NOTCH1: variants seen among roughly 807,000 people sequenced by gnomAD.
The protein encoded by NOTCH1 is neurogenic locus notch homolog protein 1.
In NOTCH1, 37 loss-of-function variants were observed where a neutral mutation model predicts 254.8. That is an observed-to-expected ratio of 0.15 (90% confidence interval 0.11 to 0.19). The LOEUF (loss-of-function observed/expected upper bound fraction) is 0.19, where lower values mean the gene tolerates loss of function less well. NOTCH1 is among the 10% of genes least tolerant of loss of function. The pLI is 1.00. For missense variants in NOTCH1, 2,972 were observed against 3,708.6 expected (o/e 0.80, Z 5.16); for synonymous variants, 1,731 against 1,618.1 (o/e 1.07, Z -1.68).
chr9:136,533,680 A>G (rs1564209642), intron 2 of NOTCH1, among the ~76,000 whole-genome samples: 1 of 152,194 alleles, frequency 6.6e-6, no homozygotes, highest in Non-Finnish European at 1.5e-5. Context: ...CACTTGTCTG[A>G]GGCTTGGGTG....
At chr9:136,512,919 G>GCCCCC in intron 15 of NOTCH1, 102 bp downstream of exon 15, 2 of 153,872 alleles carry the variant, frequency 1.3e-5, no homozygotes, top group African/African-American at 4.2e-5. Flanking sequence ...CCCCACCCCT[G>GCCCCC]GCCCCACCCT....
intron 5 of NOTCH1, 88 bp from the exon 6 acceptor site, chr9:136,518,912 C>A: frequency 8.7e-7 from 1 of 1,148,286 alleles, no homozygotes; most frequent in Non-Finnish European, 1.3e-6. Flanking sequence ...ATGCCGCCCC[C>A]TCCAGGAAGC....
rs753373134 is a variant in NOTCH1, at chr9:136,522,828, C to T, written c.742+22G>A. ...GGCAGCCGGGGAGGGGCTCGTGCAC[C>T]CCGGCCAGCGGGCAGCACTACCTGG... On this transcript the variant is annotated intron_variant, in intron 4 of 33. Transcript: ENST00000651671. 20 of 1,463,684 alleles carry T rather than the reference C, an allele frequency of 1.4e-5. 1 individual carries two copies. The South Asian group carries it at 2.8e-4, about 20-fold the overall frequency. The allele number at this position is 1,463,684 out of a possible 1,614,324, so 90.7% of individuals were successfully genotyped here.
Position 136,496,308 on chromosome 9 carries a change from G to A in NOTCH1, c.7431C>T (p.Thr2477=), listed in dbSNP as rs748244353. 1.1e-5 allele frequency: 17 copies of A among 1,595,234 alleles called. No individual in the cohort carries two copies. The highest frequency in any genetic ancestry group is 1.7e-4 in the Middle Eastern group (1 of 6,032). ...SLPSSLVPPV[T]AAQFLTPPSQ... ...AGGGGGGCGTCAGGAACTGGGCTGC[G>A]GTCACGGGTGGGACCAGCGAGGATG... The change falls in exon 34 of 34, where the codon ACC becomes ACT. Residue 2477 remains threonine, a synonymous_variant. Coordinates refer to ENST00000651671, the MANE Select transcript of NOTCH1 (RefSeq NM_017617.5).
Position 136,496,523 on chromosome 9 carries a change from G to T in NOTCH1, c.7216C>A (p.Gln2406Lys). The T allele has an allele frequency of 6.2e-7, 1 of 1,605,514 alleles. No individual in the cohort carries two copies. Residue 2406 changes from glutamine (Q) to lysine (K), a missense_variant, in exon 34 of 34, where the codon CAA (glutamine) becomes AAA (lysine). Gln to Lys is a moderately conservative substitution (Grantham distance 53). This residue lies in a region of NOTCH1 where 529 missense variants were observed against 529.2 expected (regional missense o/e 1.00). Coordinates refer to ENST00000651671, the MANE Select transcript of NOTCH1 (RefSeq NM_017617.5). ...NLQPANIQQQ[Q>K]SLQPPPPPPQ... ...GGTGGTGGTGGCGGCTGCAGGCTTT[G>T]CTGCTGCTGGATGTTTGCTGGCTGC...
rs917261129 is a variant in NOTCH1 at position 136,495,502 on chromosome 9, G to A, written c.*569C>T. On this transcript the variant is annotated 3_prime_UTR_variant, in exon 34 of 34. Transcript: ENST00000651671. ...CTATTTCAGATGCAAATTAATCCGC[G>A]TGCGGAAGGTGAGCCAGCTTTGCCT... 5.0e-6 allele frequency: 2 copies of A among 399,420 alleles called. No homozygotes were observed. The highest frequency in any genetic ancestry group is 2.1e-5 in the African/African-American group (1 of 48,738). 24.7% of individuals were successfully genotyped at this position (399,420 alleles called of 1,614,324 possible). A position where few individuals can be genotyped will look rare whatever the true frequency, so the allele number is the denominator to read the frequency against.
intron 3 of NOTCH1, 66 bp downstream of exon 3, chr9:136,523,651 A>C (rs1843412016): frequency 6.5e-7 from 1 of 1,546,912 alleles, no homozygotes; most frequent in Non-Finnish European, 8.7e-7. Context: ...AAGTACCTCA[A>C]GTTGCCTGGG....
chr9:136,534,773 A>G (rs1843616071), intron 2 of NOTCH1, among the ~76,000 whole-genome samples: 1 of 151,812 alleles, frequency 6.6e-6, no homozygotes, highest in African/African-American at 2.4e-5. Flanking sequence ...GCAGGTGTGG[A>G]TGTCAGAGGC....
chr9:136,532,905 C>A (rs1346598679), intron 2 of NOTCH1, among the ~76,000 whole-genome samples: 2 of 152,326 alleles, frequency 1.3e-5, no homozygotes, highest in Middle Eastern at 6.8e-3. Context: ...TGGAGCCAAG[C>A]CTTCCAGTCA....
At chr9:136,527,099 T>G (rs1843473208) in intron 2 of NOTCH1, among the ~76,000 whole-genome samples, 1 of 152,140 alleles carries the variant, frequency 6.6e-6, no homozygotes, top group Non-Finnish European at 1.5e-5. Context: ...GGTCTGTGTG[T>G]GGGGGGCAGC....
At chr9:136,530,360 G>A (rs1047497584) in intron 2 of NOTCH1, among the ~76,000 whole-genome samples, 1 of 152,228 alleles carries the variant, frequency 6.6e-6, no homozygotes, top group Admixed American at 6.5e-5. Context: ...TGTGGGAGGC[G>A]GGATGGGGAC....
chr9:136,544,200 G>C, intron 1 of NOTCH1, 98 bp from the exon 2 acceptor site: 1 of 1,135,330 alleles, frequency 8.8e-7, no homozygotes, highest in South Asian at 1.3e-5. Flanking sequence ...CCAGCCAAGG[G>C]GCATCGTCCG....
chr9:136,533,016 C>T (rs1334638114), intron 2 of NOTCH1, among the ~76,000 whole-genome samples: 1 of 152,238 alleles, frequency 6.6e-6, no homozygotes, highest in East Asian at 1.9e-4. Flanking sequence ...AGCTGCAGAG[C>T]TCTGTGCTGG....
chr9:136,544,296 C>T (rs1164244255), intron 1 of NOTCH1, among the ~76,000 whole-genome samples, 194 bp from the exon 2 acceptor site: 1 of 152,130 alleles, frequency 6.6e-6, no homozygotes, highest in African/African-American at 2.4e-5. Context: ...ACCAAAGGGG[C>T]GTCAACATTC....
At chr9:136,539,074 C>T (rs1019284328) in intron 2 of NOTCH1, among the ~76,000 whole-genome samples, 5 of 152,216 alleles carry the variant, frequency 3.3e-5, no homozygotes, top group East Asian at 3.8e-4. Context: ...TCCAGTTTGC[C>T]GCCCGCATCT....
Position 136,543,916 on chromosome 9 carries a change from G to A in NOTCH1, c.140+108C>T, listed in dbSNP as rs2133405989. 3.7e-6 allele frequency: 4 copies of A among 1,074,770 alleles called. No homozygotes were observed. The South Asian group carries it at 4.0e-5, about 11-fold the overall frequency. The allele number at this position is 1,074,770 out of a possible 1,614,324, so 66.6% of individuals were successfully genotyped here. A position where few individuals can be genotyped will look rare whatever the true frequency, so the allele number is the denominator to read the frequency against. On this transcript the variant is annotated intron_variant, in intron 2 of 33. Coordinates refer to ENST00000651671, the MANE Select transcript of NOTCH1 (RefSeq NM_017617.5). ...CAGCACGTGACCGTGCCCAGACTCT[G>A]GGCCATCTCCAGAAGACAATGGCCT... is the stretch of plus-strand genomic sequence containing the variant.
Position 136,514,556 on chromosome 9 carries a change from T to C in NOTCH1, c.2161A>G (p.Asn721Asp). 1 of 1,605,852 alleles carries C rather than the reference T, an allele frequency of 6.2e-7. No homozygotes were observed. The highest frequency in any genetic ancestry group is 8.5e-7 in the Non-Finnish European group (1 of 1,177,164). ...PTCLSEVNEC[N>D]SNPCVHGACR... is the part of the protein sequence containing the mutation. ...GCCCCGTGGACGCAGGGGTTGCTGT[T>C]GCACTCATTGACCTCAGACAGGCAG... The change falls in exon 13 of 34, where the codon AAC (asparagine) becomes GAC (aspartate). Residue 721 changes from asparagine (N) to aspartate (D), a missense_variant. Physicochemically the swap from Asn to Asp is conservative, Grantham distance 23 (BLOSUM62 1). This residue lies in a region of NOTCH1 where 1,343 missense variants were observed against 1,557.0 expected (regional missense o/e 0.86). Transcript: ENST00000651671.
chr9:136,517,024 C>T (rs1157261058), intron 9 of NOTCH1, among the ~76,000 whole-genome samples: 1 of 142,720 alleles, frequency 7.0e-6, no homozygotes, highest in Non-Finnish European at 1.5e-5. Context: ...GGACACAATC[C>T]ACGGCCAGGC....
At chr9:136,544,858 A>C (rs1469714364) in intron 1 of NOTCH1, among the ~76,000 whole-genome samples, 2 of 151,722 alleles carry the variant, frequency 1.3e-5, no homozygotes, top group Non-Finnish European at 2.9e-5. Flanking sequence ...TCGAGAAGGG[A>C]TCAATTACTC....
Sources: allele counts gnomAD v4.1 joint callset (sites outside exome capture counted in the v4.1 genomes callset), GRCh38; gene constraint gnomAD v4.1.1; regional missense constraint gnomAD v4.1.1; transcripts MANE v1.5; gene names NCBI Gene and HGNC (gene_info 2026-07-23, HGNC 2026-07-21).